DGKB: variants seen among roughly 807,000 people sequenced by gnomAD.
The protein encoded by DGKB is diacylglycerol kinase beta.
Under a neutral mutation model 114.3 loss-of-function variants are expected in DGKB, and 67 were observed. The ratio of observed to expected loss-of-function variants is 0.59; its 90% CI spans 0.48 to 0.72. The LOEUF (loss-of-function observed/expected upper bound fraction) is 0.72, where lower values mean the gene tolerates loss of function less well. DGKB is among the 30% of genes least tolerant of loss of function. The probability of loss-of-function intolerance (pLI) is 0.00; values close to 1 mark genes in which losing one functional copy is unlikely to be tolerated. For missense variants in DGKB, 907 were observed against 975.2 expected, an observed-to-expected ratio of 0.93 and a Z score of 0.93; for synonymous variants, 398 against 323.1, an observed-to-expected ratio of 1.23 and a Z score of -2.49.
intron 1 of DGKB, among the ~76,000 whole-genome samples, chr7:14,919,921 G>A (rs1165489364): frequency 4.6e-5 from 7 of 152,012 alleles, no homozygotes; most frequent in Admixed American, 2.0e-4. Context: ...TGAGGCCCTC[G>A]CCAGAAGTAG....
intron 1 of DGKB, among the ~76,000 whole-genome samples, chr7:14,846,110 C>T (rs1028726250): frequency 6.6e-6 from 1 of 152,132 alleles, no homozygotes; most frequent in African/African-American, 2.4e-5. Flanking sequence ...CTTTTTATAA[C>T]AAGGACAGCT....
At chr7:14,915,763 A>G (rs147119252) in intron 1 of DGKB, among the ~76,000 whole-genome samples, 10 of 152,218 alleles carry the variant, frequency 6.6e-5, no homozygotes, top group African/African-American at 2.2e-4. Flanking sequence ...TGTCTCAGAA[A>G]ACAAACAAAC....
intron 20 of DGKB, among the ~76,000 whole-genome samples, chr7:14,562,818 G>T (rs765999020): frequency 2.6e-5 from 4 of 152,112 alleles, no homozygotes; most frequent in Non-Finnish European, 5.9e-5. Context: ...TTGGACTATG[G>T]ACTTTTGAGT....
chr7:14,392,989 G>GTTTTTTTTTTTTTTTTTTTTTTTT (rs776845811), intron 21 of DGKB, among the ~76,000 whole-genome samples: 2 of 10,164 alleles, frequency 2.0e-4, no homozygotes, highest in Non-Finnish European at 4.9e-4. Flanking sequence ...CCTGTTTTTT[G>GTTTTTTTTTTTTTTTTTTTTTTTT]TTTTTGTTTT....
intron 2 of DGKB, among the ~76,000 whole-genome samples, chr7:14,782,898 T>C (rs554216447): frequency 6.6e-6 from 1 of 152,164 alleles, no homozygotes; most frequent in Admixed American, 6.5e-5. Flanking sequence ...GCAGTGATGA[T>C]CATAGCTCCC....
intron 21 of DGKB, among the ~76,000 whole-genome samples, chr7:14,382,290 AT>A (rs376231278): frequency 1.0e-4 from 15 of 148,636 alleles, no homozygotes; most frequent in South Asian, 4.2e-4. Flanking sequence ...AACAGTGGCA[AT>A]TTTTTTTTTT....
At chr7:14,421,278 T>C (rs967364902) in intron 21 of DGKB, among the ~76,000 whole-genome samples, 5 of 152,146 alleles carry the variant, frequency 3.3e-5, no homozygotes, top group Non-Finnish European at 7.4e-5. Context: ...TTTTGTTGCT[T>C]GTTCATGCAT....
intron 20 of DGKB, among the ~76,000 whole-genome samples, chr7:14,533,358 A>T (rs968905843): frequency 2.0e-5 from 3 of 151,792 alleles, no homozygotes; most frequent in Middle Eastern, 3.2e-3. Flanking sequence ...TAAAAGCAAA[A>T]AGAACAAGAA....
chr7:14,455,181 G>A (rs1051400540), intron 21 of DGKB, among the ~76,000 whole-genome samples: 14 of 152,032 alleles, frequency 9.2e-5, no homozygotes, highest in Non-Finnish European at 1.2e-4. Flanking sequence ...CATTTGAGCA[G>A]TGAAGTTAAA....
chr7:14,882,446 T>C (rs1053132812), intron 1 of DGKB, among the ~76,000 whole-genome samples: 2 of 152,074 alleles, frequency 1.3e-5, no homozygotes, highest in African/African-American at 4.8e-5. Flanking sequence ...ACTTTCTTTT[T>C]CTTATTTAAG....
chr7:14,515,987 G>C (rs554059747), intron 20 of DGKB, among the ~76,000 whole-genome samples: 11 of 152,108 alleles, frequency 7.2e-5, no homozygotes, highest in Non-Finnish European at 1.5e-4. Context: ...TGGAACTACA[G>C]GTATGTACCA....
chr7:14,260,397 T>G (rs916638047), intron 23 of DGKB, among the ~76,000 whole-genome samples: 2 of 152,186 alleles, frequency 1.3e-5, no homozygotes, highest in African/African-American at 4.8e-5. Context: ...GTGAAACAAA[T>G]TACTTTCCAG....
chr7:14,834,562 A>G (rs1350418293), intron 2 of DGKB, among the ~76,000 whole-genome samples: 2 of 152,108 alleles, frequency 1.3e-5, no homozygotes, highest in Non-Finnish European at 2.9e-5. Context: ...TCTCTCTGTC[A>G]CAGCAACTGC....
At chr7:14,295,864 A>T (rs951082677) in intron 23 of DGKB, among the ~76,000 whole-genome samples, 2 of 151,626 alleles carry the variant, frequency 1.3e-5, no homozygotes, top group African/African-American at 4.8e-5. Context: ...TAGCCCCCCA[A>T]CCCAGACAGG....
intron 20 of DGKB, among the ~76,000 whole-genome samples, chr7:14,505,792 C>A (rs1346382102): frequency 1.3e-5 from 2 of 152,208 alleles, no homozygotes; most frequent in Non-Finnish European, 2.9e-5. Context: ...TAATTTGCTT[C>A]TTTACCATGT....
At chr7:14,825,104 T>C (rs1845521495) in intron 2 of DGKB, among the ~76,000 whole-genome samples, 2 of 146,988 alleles carry the variant, frequency 1.4e-5, no homozygotes, top group Admixed American at 6.8e-5. Context: ...AATTTATCAA[T>C]ACTGTTGTTC....
chr7:14,318,330 A>T (rs1807025521), intron 23 of DGKB, among the ~76,000 whole-genome samples: 2 of 151,602 alleles, frequency 1.3e-5, no homozygotes, highest in Admixed American at 1.3e-4. Flanking sequence ...AAAAGAAACT[A>T]CCATCAGAGT....
At chr7:14,178,186 T>C (rs1430117958) in intron 23 of DGKB, 35 bp from the exon 24 acceptor site, 34 of 1,604,568 alleles carry the variant, frequency 2.1e-5, no homozygotes, top group Non-Finnish European at 2.8e-5. Context: ...AGTTGCAATG[T>C]GTATACATAT....
intron 13 of DGKB, among the ~76,000 whole-genome samples, chr7:14,659,130 C>T (rs909967726): frequency 2.0e-5 from 3 of 151,884 alleles, no homozygotes; most frequent in African/African-American, 7.2e-5. Context: ...CCCATGTGTT[C>T]TCATTGTATT....
Sources: allele counts gnomAD v4.1 joint callset (sites outside exome capture counted in the v4.1 genomes callset), GRCh38; gene constraint gnomAD v4.1.1; transcripts MANE v1.5; gene names NCBI Gene and HGNC (gene_info 2026-07-23, HGNC 2026-07-21).